Variants in ALDH1A3 observed in about 807,000 individuals in gnomAD.
ALDH1A3 encodes aldehyde dehydrogenase 1 family member A3.
ALDH1A3 carries 28 observed loss-of-function variants against 57.5 expected under a neutral mutation model. The ratio of observed to expected loss-of-function variants is 0.49; its 90% CI spans 0.36 to 0.67. The LOEUF (loss-of-function observed/expected upper bound fraction) is 0.67, where lower values mean the gene tolerates loss of function less well. Among genes scored for constraint, ALDH1A3 ranks in the 30% least tolerant of loss-of-function variants. The pLI is 0.00. For missense variants in ALDH1A3, 507 were observed against 669.4 expected (o/e 0.76, Z 2.68); for synonymous variants, 281 against 264.8 (o/e 1.06, Z -0.59).
In ALDH1A3 at chr15:100,894,157, A is replaced by C; in HGVS notation, c.666+75A>C. 6.4e-7 allele frequency: 1 copy of C among 1,555,320 alleles called. No individual in the cohort carries two copies. The highest frequency in any genetic ancestry group is 8.7e-7 in the Non-Finnish European group (1 of 1,143,508). ...TCCTAGGAACCAGGCCACCGTCACG[A>C]GATGGGACAGTGGCAGACTGCTGGC... On this transcript the variant is annotated intron_variant, in intron 6 of 12. Coordinates refer to ENST00000329841, the MANE Select transcript of ALDH1A3 (RefSeq NM_000693.4). This position sits in a 1 kb window ranked among gnomAD's most constrained non-coding sequence, Gnocchi z 4.5.
rs945486680 is a variant in ALDH1A3 at position 100,889,579 on chromosome 15, G to A, written c.345+1867G>A. Among the ~76,000 whole-genome samples the A allele has an allele frequency of 5.9e-5, 9 of 152,318 alleles. No homozygotes were observed. The highest frequency in any genetic ancestry group is 2.1e-4 in the South Asian group (1 of 4,824). ...TTCACCCGGCATGAGCTCATCGGTCGGCAATGTCCGTGTGGACTAATAGCA... is the reference window on the plus strand; with the variant it reads ...TTCACCCGGCATGAGCTCATCGGTCAGCAATGTCCGTGTGGACTAATAGCA... On this transcript the variant is annotated intron_variant, in intron 3 of 12. Transcript: ENST00000329841. This position sits in a 1 kb window ranked among gnomAD's most constrained non-coding sequence, Gnocchi z 5.1.
chr15:100,886,008 G>A (rs1344789129), intron 2 of ALDH1A3, among the ~76,000 whole-genome samples: 2 of 152,226 alleles, frequency 1.3e-5, no homozygotes, highest in East Asian at 3.8e-4. Context: ...GAATGTCAGT[G>A]CAGAGGTAAA....
rs370671214 is a variant in ALDH1A3, at chr15:100,887,701, G to A, written c.334G>A (p.Ala112Thr). The stretch of plus-strand genomic sequence containing the variant: ...GGCTGACCTGGTGGAGAGGGACCGC[G>A]CCACCTTGGCCGTGAGTACATGCAC... ...QLADLVERDR[A>T]TLAALETMDT... Residue 112 changes from alanine to threonine, a missense_variant, in exon 3 of 13, where the codon GCC becomes ACC. Ala to Thr is a moderately conservative substitution (Grantham distance 58). Transcript: ENST00000329841. The surrounding 1 kb of genome is among the most constrained non-coding windows in gnomAD (Gnocchi z 4.6). The A allele has an allele frequency of 5.7e-5, 92 of 1,602,070 alleles. No homozygotes were observed. Among genetic ancestry groups the A allele is most frequent in the Non-Finnish European group, 6.3e-5 (74 of 1,173,458 alleles).
chr15:100,902,493 C>T (rs995384516), intron 9 of ALDH1A3, among the ~76,000 whole-genome samples: 2 of 152,224 alleles, frequency 1.3e-5, no homozygotes, highest in African/African-American at 4.8e-5. Context: ...GACCTAGATC[C>T]GGGTCCACGG....
At chr15:100,900,023 C>T (rs2041750917) in intron 8 of ALDH1A3, among the ~76,000 whole-genome samples, 1 of 152,222 alleles carries the variant, frequency 6.6e-6, no homozygotes, top group South Asian at 2.1e-4. Flanking sequence ...CCCCCAAGAT[C>T]TTATTCTCTA....
At position 100,883,984 on chromosome 15, in the gene ALDH1A3, G is replaced by A. The variant is rs60005133; in HGVS notation, c.100-1283G>A. 9.1e-3 allele frequency among the ~76,000 whole-genome samples: 1,387 copies of A among 152,338 alleles called. 18 individuals are homozygous for A. The highest frequency in any genetic ancestry group is 0.032 in the African/African-American group (1,325 of 41,564). The stretch of plus-strand genomic sequence containing the variant: ...TCAAAAAGAAGCAAAGTAAAGCTAT[G>A]TATACCACATGCAGATAGATGTAAA... On this transcript the variant is annotated intron_variant, in intron 1 of 12. Coordinates refer to ENST00000329841, the MANE Select transcript of ALDH1A3 (RefSeq NM_000693.4).
chr15:100,901,192 G>A (rs577334752), intron 9 of ALDH1A3, among the ~76,000 whole-genome samples: 6 of 152,328 alleles, frequency 3.9e-5, no homozygotes, highest in South Asian at 2.1e-4. Context: ...AGAGAGCCTG[G>A]GGCAGGAGAA....
chr15:100,891,309 T>C (rs907285195), intron 3 of ALDH1A3, among the ~76,000 whole-genome samples: 1 of 152,178 alleles, frequency 6.6e-6, no homozygotes, highest in African/African-American at 2.4e-5. Context: ...CTTACTTAAC[T>C]AGGGTTCAGC....
chr15:100,898,990 A>G (rs896114993), intron 8 of ALDH1A3, among the ~76,000 whole-genome samples: 13 of 152,228 alleles, frequency 8.5e-5, no homozygotes, highest in Non-Finnish European at 4.4e-5. Flanking sequence ...CCTGTCGTGG[A>G]GAACAAAGCC....
chr15:100,881,026 C>T (rs2041542781), intron 1 of ALDH1A3: 1 of 152,296 alleles, frequency 6.6e-6, no homozygotes, highest in Non-Finnish European at 1.5e-5. Flanking sequence ...ACCCATAGCC[C>T]CCAACTCCAG....
chr15:100,893,524 G>T lies in ALDH1A3; in HGVS notation c.538-430G>T. The stretch of plus-strand genomic sequence containing the variant: ...TAAGGGGCCGGGACTTTATTCATTG[G>T]GCGGTGGGGATGCTTATAGGTGCCC... On this transcript the variant is annotated intron_variant, in intron 5 of 12. Coordinates refer to ENST00000329841, the MANE Select transcript of ALDH1A3 (RefSeq NM_000693.4). This position sits in a 1 kb window ranked among gnomAD's most constrained non-coding sequence, Gnocchi z 4.8. The T allele has an allele frequency of 5.8e-6, 1 of 171,480 alleles. No homozygotes were observed. The highest frequency in any genetic ancestry group is 1.2e-5 in the Non-Finnish European group (1 of 80,104). The allele number at this position is 171,480 out of a possible 1,614,324, so 10.6% of individuals were successfully genotyped here. A position where few individuals can be genotyped will look rare whatever the true frequency, so the allele number is the denominator to read the frequency against.
chr15:100,908,349 T>C, intron 11 of ALDH1A3, 59 bp from the exon 12 acceptor site: 4 of 1,449,018 alleles, frequency 2.8e-6, no homozygotes, highest in Non-Finnish European at 3.9e-6. Flanking sequence ...GTGGCTGCAG[T>C]GCCAGGAGCC....
At position 100,906,431 on chromosome 15, in the gene ALDH1A3, C is replaced by G. The variant is rs1434542676; in HGVS notation, c.1234-690C>G. ...CGTCTTCCTTGAGATTGTTATGTGC[C>G]GTGATGGCATGAAGCTCAGCTCCTT... is the stretch of plus-strand genomic sequence containing the variant. On this transcript the variant is annotated intron_variant, in intron 10 of 12. Transcript: ENST00000329841. This position sits in a 1 kb window ranked among gnomAD's most constrained non-coding sequence, Gnocchi z 4.8. 1.3e-5 allele frequency among the ~76,000 whole-genome samples: 2 copies of G among 152,074 alleles called. No homozygotes were observed. The highest frequency in any genetic ancestry group is 2.9e-5 in the Non-Finnish European group (2 of 68,028).
In ALDH1A3 at chr15:100,914,915, T is replaced by A. The variant is rs1367876904; in HGVS notation, c.*142T>A. 4.1e-6 allele frequency: 3 copies of A among 733,888 alleles called. No individual in the cohort carries two copies. The highest frequency in any genetic ancestry group is 6.7e-6 in the Non-Finnish European group (3 of 449,190). 45.5% of individuals were successfully genotyped at this position (733,888 alleles called of 1,614,324 possible). The stretch of plus-strand genomic sequence containing the variant: ...ACATCTACTGGAGTTGAATGATTGC[T>A]GTTTTCCTCTCACTCTCCTGTTTAT... On this transcript the variant is annotated 3_prime_UTR_variant, in exon 13 of 13. Transcript: ENST00000329841.
Position 100,893,198 on chromosome 15 carries a change from C to G in ALDH1A3, c.537+192C>G, listed in dbSNP as rs889764212. On this transcript the variant is annotated intron_variant, in intron 5 of 12. Coordinates refer to ENST00000329841, the MANE Select transcript of ALDH1A3 (RefSeq NM_000693.4). This position sits in a 1 kb window ranked among gnomAD's most constrained non-coding sequence, Gnocchi z 4.8. The stretch of plus-strand genomic sequence containing the variant: ...GACCCCATTTCTGCTCTCCTAAGAC[C>G]GGCTTTAGGCATGCCACAGAAAGCA... The G allele has an allele frequency of 2.1e-6, 1 of 480,932 alleles. No individual in the cohort carries two copies. Among genetic ancestry groups the G allele is most frequent in the Non-Finnish European group, 3.6e-6 (1 of 275,542 alleles). The allele number at this position is 480,932 out of a possible 1,614,324, so 29.8% of individuals were successfully genotyped here. A position where few individuals can be genotyped will look rare whatever the true frequency, so the allele number is the denominator to read the frequency against.
chr15:100,898,328 C>G (rs2041731038), intron 8 of ALDH1A3, 143 bp downstream of exon 8: 1 of 638,468 alleles, frequency 1.6e-6, no homozygotes, highest in East Asian at 2.9e-5. Flanking sequence ...GCATCCTGCC[C>G]ACAGTCAGCC....
At position 100,892,585 on chromosome 15, in the gene ALDH1A3, C is replaced by G. The variant is rs2041661277; in HGVS notation, c.421C>G (p.Leu141Val). 6.2e-7 allele frequency: 1 copy of G among 1,613,286 alleles called. No individual in the cohort carries two copies. Among genetic ancestry groups the G allele is most frequent in the African/African-American group, 1.3e-5 (1 of 74,890 alleles). The change falls in exon 4 of 13, where the codon CTC becomes GTC. Residue 141 changes from leucine to valine, a missense_variant. Leu to Val is a conservative substitution (Grantham distance 32). Coordinates refer to ENST00000329841, the MANE Select transcript of ALDH1A3 (RefSeq NM_000693.4). ...CGACCTGGAGGGCTGTATTAGAACC[C>G]TCAGATACTTTGCAGGGTGGGCAGA... ...FIDLEGCIRT[L>V]RYFAGWADKI... is the part of the protein sequence containing the mutation.
intron 2 of ALDH1A3, among the ~76,000 whole-genome samples, chr15:100,885,662 T>TTC (rs1280781472): frequency 6.6e-6 from 1 of 151,698 alleles, no homozygotes; most frequent in African/African-American, 2.4e-5. Context: ...TTTCTTTTTT[T>TTC]TTTTTTTTTA....
chr15:100,899,614 A>T (rs56063524), intron 8 of ALDH1A3, among the ~76,000 whole-genome samples: 1 of 151,840 alleles, frequency 6.6e-6, no homozygotes, highest in South Asian at 2.1e-4. Context: ...TAGCTCCGTC[A>T]GGAGCAGGAA....
Sources: gnomAD v4.1 joint callset for allele counts (sites outside exome capture counted in the v4.1 genomes callset) on GRCh38, gnomAD v4.1.1 for gene constraint, Gnocchi (gnomAD v3.1) non-coding constraint, MANE v1.5 for transcripts, NCBI Gene and HGNC (gene_info 2026-07-23, HGNC 2026-07-21) for gene names.